Variants in CLCN5 observed in about 807,000 individuals in gnomAD.
CLCN5 encodes the protein H(+)/Cl(-) exchange transporter 5.
A neutral mutation model predicts 54.0 loss-of-function variants in CLCN5; 17 were observed. That is an observed-to-expected ratio of 0.31 (90% CI 0.22 to 0.47). CLCN5 has a LOEUF of 0.47. CLCN5 is among the 20% of genes least tolerant of loss of function. The probability of loss-of-function intolerance (pLI) is 1.00; values close to 1 mark genes in which losing one functional copy is unlikely to be tolerated. For missense variants in CLCN5, 448 were observed against 646.7 expected, an observed-to-expected ratio of 0.69 and a Z score of 3.33; for synonymous variants, 222 against 233.0, an observed-to-expected ratio of 0.95 and a Z score of 0.43.
intron 11 of CLCN5, among the ~76,000 whole-genome samples, chrX:50,088,125 G>T (rs1288082100): frequency 1.8e-5 from 2 of 112,055 alleles, no homozygotes; most frequent in African/African-American, 3.2e-5. Context: ...TTCAATATAT[G>T]AGCATGGTTA....
At chrX:49,995,980 A>C (rs1218761145) in intron 3 of CLCN5, among the ~76,000 whole-genome samples, 1 of 111,936 alleles carries the variant, frequency 8.9e-6, no homozygotes, top group African/African-American at 3.3e-5. Flanking sequence ...TTTGCAATAC[A>C]GTGTGGCCAT....
intron 3 of CLCN5, among the ~76,000 whole-genome samples, chrX:50,005,734 C>G (rs1229448897): frequency 9.0e-6 from 1 of 111,509 alleles, no homozygotes; most frequent in Non-Finnish European, 1.9e-5. Context: ...TTTTGACATG[C>G]CTCCGTAGTT....
At chrX:50,040,110 C>T (rs782179916) in intron 3 of CLCN5, among the ~76,000 whole-genome samples, 2 of 112,062 alleles carry the variant, frequency 1.8e-5, no homozygotes, top group Non-Finnish European at 3.8e-5. Flanking sequence ...GCTAACAATC[C>T]TGTATTAGGC....
At chrX:49,936,216 G>C (rs781833485) in intron 3 of CLCN5, among the ~76,000 whole-genome samples, 5 of 111,638 alleles carry the variant, frequency 4.5e-5, no homozygotes, top group Non-Finnish European at 9.4e-5. Flanking sequence ...CTTTCAATTA[G>C]TTCATCCCAT....
rs181877195 is a variant in CLCN5 at position 49,924,407 on chromosome X, C to T, written c.-128-764C>T. Among the ~76,000 whole-genome samples, 928 of 112,063 alleles carry T rather than the reference C, an allele frequency of 8.3e-3. 2 individuals carry two copies. Among genetic ancestry groups the T allele is most frequent in the Non-Finnish European group, 0.014 (729 of 53,189 alleles). On this transcript the variant is annotated intron_variant, in intron 2 of 14. Transcript: ENST00000376091. Reference sequence around the variant, plus strand: ...TGGTCTCGAACTGACCTCAGGTGATCCGCCTGCTTCGGCCTCCCAAAGTGC... The same window carrying T: ...TGGTCTCGAACTGACCTCAGGTGATTCGCCTGCTTCGGCCTCCCAAAGTGC...
intron 3 of CLCN5, among the ~76,000 whole-genome samples, chrX:50,025,456 G>A (rs377457296): frequency 5.6e-5 from 6 of 107,768 alleles, no homozygotes; most frequent in African/African-American, 2.0e-4. Flanking sequence ...GCTCACGCTG[G>A]GAGCTGTAGA....
At chrX:50,082,888 C>CCT (rs1933755509) in intron 9 of CLCN5, among the ~76,000 whole-genome samples, 1 of 111,177 alleles carries the variant, frequency 9.0e-6, no homozygotes, top group Non-Finnish European at 1.9e-5. Context: ...CTGTATTGGA[C>CCT]CTCTCTCTAC....
intron 3 of CLCN5, among the ~76,000 whole-genome samples, chrX:49,974,018 CACTT>C (rs1217464564): frequency 2.7e-5 from 3 of 112,387 alleles, no homozygotes; most frequent in African/African-American, 9.7e-5. Context: ...TTTTGTGTCT[CACTT>C]CTTTCACTGA....
In CLCN5 at chrX:50,042,402, G is replaced by A; in HGVS notation, c.103G>A (p.Ala35Thr). ...SSDEDLMDIP[A>T]TAMDFSMRDD... Reference sequence around the variant, plus strand: ...TGATGAAGACCTGATGGACATTCCAGCAACCGCTATGGATTTCTCCATGAG... The same window carrying A: ...TGATGAAGACCTGATGGACATTCCAACAACCGCTATGGATTTCTCCATGAG... Residue 35 changes from alanine to threonine, a missense_variant, in exon 4 of 15, where the codon GCA (alanine) becomes ACA (threonine). Ala to Thr is a moderately conservative substitution (Grantham distance 58). Coordinates refer to ENST00000376091, the MANE Select transcript of CLCN5 (RefSeq NM_001127898.4). 1 of 1,156,700 alleles carries A rather than the reference G, an allele frequency of 8.6e-7. No individual in the cohort carries two copies. The highest frequency in any genetic ancestry group is 3.2e-5 in the East Asian group (1 of 31,491).
chrX:49,957,855 G>T (rs1927407727), intron 3 of CLCN5, among the ~76,000 whole-genome samples: 1 of 111,531 alleles, frequency 9.0e-6, no homozygotes, highest in Non-Finnish European at 1.9e-5. Flanking sequence ...CCTTCCTCCA[G>T]ATTCCTCCAG....
intron 8 of CLCN5, among the ~76,000 whole-genome samples, 197 bp from the exon 9 acceptor site, chrX:50,081,444 G>T (rs1299465884): frequency 9.0e-6 from 1 of 111,038 alleles, no homozygotes; most frequent in Non-Finnish European, 1.9e-5. Context: ...CTAAAAAGGG[G>T]GAACATGAAA....
At chrX:50,057,933 C>G (rs1366304093) in intron 4 of CLCN5, among the ~76,000 whole-genome samples, 1 of 110,178 alleles carries the variant, frequency 9.1e-6, no homozygotes, top group African/African-American at 3.3e-5. Context: ...TGAACCAGTA[C>G]AAGAAGGGAA....
At chrX:50,042,251 C>T (rs1340204984) in intron 3 of CLCN5, 65 bp from the exon 4 acceptor site, 2 of 548,002 alleles carry the variant, frequency 3.6e-6, no homozygotes, top group Non-Finnish European at 5.5e-6. Context: ...GTTCAAATGG[C>T]AAATGTTACG....
Position 50,052,783 on chromosome X carries a change from T to C in CLCN5, c.163+10321T>C, listed in dbSNP as rs374007351. Among the ~76,000 whole-genome samples, 3 of 111,893 alleles carry C rather than the reference T, an allele frequency of 2.7e-5. No homozygotes were observed. In the East Asian group the frequency reaches 8.4e-4, roughly 31 times the overall value. On this transcript the variant is annotated intron_variant, in intron 4 of 14. Transcript: ENST00000376091. ...ACGATGATAGTTAATAATAAGGTAT[T>C]GTATGCCTGAAAATTGCTAAGTGAA...
At chrX:49,994,804 A>T (rs1240451599) in intron 3 of CLCN5, among the ~76,000 whole-genome samples, 1 of 111,840 alleles carries the variant, frequency 8.9e-6, no homozygotes, top group Non-Finnish European at 1.9e-5. Flanking sequence ...ACAGCAGTTA[A>T]ACACGATTGG....
intron 3 of CLCN5, among the ~76,000 whole-genome samples, chrX:50,017,614 T>C (rs1333370793): frequency 9.0e-6 from 1 of 111,585 alleles, no homozygotes; most frequent in East Asian, 2.8e-4. Context: ...TAGTTCTGTG[T>C]TTTACATTTA....
At chrX:50,018,028 G>T (rs782002580) in intron 3 of CLCN5, among the ~76,000 whole-genome samples, 5 of 111,525 alleles carry the variant, frequency 4.5e-5, no homozygotes, top group African/African-American at 1.6e-4. Context: ...CTGGAATTTT[G>T]ATTGGAACTG....
intron 4 of CLCN5, chrX:50,069,667 A>G (rs1933154750): frequency 1.1e-5 from 11 of 985,457 alleles, no homozygotes; most frequent in Non-Finnish European, 1.4e-5. Flanking sequence ...GTTGCTTTCC[A>G]TTCACACTGC....
At chrX:50,007,436 T>A (rs868978127) in intron 3 of CLCN5, among the ~76,000 whole-genome samples, 13 of 83,656 alleles carry the variant, frequency 1.6e-4, no homozygotes, top group South Asian at 4.8e-4. Flanking sequence ...TCTCTCTCTC[T>A]CTGTCACACA....
Sources: gnomAD v4.1 joint callset for allele counts (sites outside exome capture counted in the v4.1 genomes callset) on GRCh38, gnomAD v4.1.1 for gene constraint, MANE v1.5 for transcripts, NCBI Gene and HGNC (gene_info 2026-07-23, HGNC 2026-07-21) for gene names.